The following C8orf34 variants were observed in gnomAD, a reference collection of about 807,000 sequenced individuals.
The protein encoded by C8orf34 is chromosome 8 open reading frame 34, also known as uncharacterized protein C8orf34.
Under a neutral mutation model 68.3 loss-of-function variants are expected in C8orf34, and 65 were observed. The ratio of observed to expected loss-of-function variants is 0.95; its 90% CI spans 0.78 to 1.17. The LOEUF is 1.17. C8orf34 is among the 50% of genes most tolerant of loss of function. C8orf34 has a pLI of 0.00. For missense variants in C8orf34, 664 were observed against 655.4 expected (o/e 1.01, Z -0.14); for synonymous variants, 244 against 241.2 (o/e 1.01, Z -0.11).
intron 3 of C8orf34, among the ~76,000 whole-genome samples, chr8:68,467,073 C>G (rs576331700): frequency 6.6e-6 from 1 of 152,036 alleles, no homozygotes; most frequent in African/African-American, 2.4e-5. Flanking sequence ...CTTCTGGTTC[C>G]TAAATCTACA....
chr8:68,624,480 C>G (rs934131153), intron 7 of C8orf34, among the ~76,000 whole-genome samples: 8 of 152,128 alleles, frequency 5.3e-5, no homozygotes, highest in Admixed American at 3.9e-4. Context: ...TAAATTTAGA[C>G]AGATCAAACT....
At chr8:68,802,630 C>G (rs1824365362) in intron 12 of C8orf34, among the ~76,000 whole-genome samples, 1 of 152,044 alleles carries the variant, frequency 6.6e-6, no homozygotes, top group Non-Finnish European at 1.5e-5. Context: ...TCCCGAGTAG[C>G]TGGGACTACA....
chr8:68,559,708 C>T (rs1485054171), intron 7 of C8orf34, among the ~76,000 whole-genome samples: 2 of 152,106 alleles, frequency 1.3e-5, no homozygotes, highest in East Asian at 3.9e-4. Context: ...TAAATCTGAA[C>T]ATGATGTAGG....
intron 7 of C8orf34, among the ~76,000 whole-genome samples, chr8:68,554,018 CT>C (rs1456730131): frequency 3.3e-5 from 5 of 151,904 alleles, no homozygotes; most frequent in African/African-American, 1.2e-4. Context: ...TTTCAAGAAA[CT>C]TTTAAATGTG....
rs556227649 is a variant in C8orf34, at chr8:68,546,514, AAG to A, written c.1105+13369_1105+13370del. Among the ~76,000 whole-genome samples, 375 of 152,058 alleles carry A rather than the reference AAG, an allele frequency of 2.5e-3. 2 individuals carry two copies. The highest frequency in any genetic ancestry group is 8.7e-3 in the African/African-American group (361 of 41,562). On this transcript the variant is annotated intron_variant, in intron 7 of 13. Coordinates refer to ENST00000518698, the MANE Select transcript of C8orf34 (RefSeq NM_052958.4). Reference sequence around the variant, plus strand: ...GTAAAAACTGACAAAACTAAAAAAAAAGAGACAAATGGGATATCATAGATGGA... The same window carrying A: ...GTAAAAACTGACAAAACTAAAAAAAAAGACAAATGGGATATCATAGATGGA...
intron 5 of C8orf34, among the ~76,000 whole-genome samples, chr8:68,515,562 GCAAA>G (rs1412629935): frequency 3.3e-5 from 5 of 151,970 alleles, no homozygotes; most frequent in Admixed American, 1.3e-4. Context: ...AAAAGTATAT[GCAAA>G]CAAAGTTGAA....
intron 7 of C8orf34, among the ~76,000 whole-genome samples, chr8:68,540,368 A>G (rs1216222664): frequency 2.0e-5 from 3 of 150,908 alleles, no homozygotes; most frequent in African/African-American, 7.3e-5. Flanking sequence ...TTTATTTTTT[A>G]TCTCTGGCAC....
chr8:68,659,599 G>A (rs948722665), intron 8 of C8orf34, among the ~76,000 whole-genome samples: 3 of 152,172 alleles, frequency 2.0e-5, no homozygotes, highest in Non-Finnish European at 4.4e-5. Context: ...GTTCACAGGA[G>A]TATACCTTAC....
intron 6 of C8orf34, among the ~76,000 whole-genome samples, chr8:68,523,712 G>A (rs1257946476): frequency 2.0e-5 from 3 of 152,026 alleles, no homozygotes; most frequent in Non-Finnish European, 4.4e-5. Flanking sequence ...TTTTTGAATT[G>A]ATACCAGCAA....
At chr8:68,806,819 G>T (rs1267799713) in intron 12 of C8orf34, among the ~76,000 whole-genome samples, 1 of 152,134 alleles carries the variant, frequency 6.6e-6, no homozygotes, top group East Asian at 1.9e-4. Flanking sequence ...AACCTTAGTG[G>T]TCTAAAACAA....
intron 7 of C8orf34, among the ~76,000 whole-genome samples, chr8:68,613,415 G>T (rs1004395295): frequency 2.0e-5 from 3 of 151,438 alleles, no homozygotes; most frequent in Non-Finnish European, 4.4e-5. Context: ...TTAGCATTAG[G>T]TATATCTCCC....
chr8:68,569,869 T>C (rs1563536101), intron 7 of C8orf34, among the ~76,000 whole-genome samples: 1 of 152,194 alleles, frequency 6.6e-6, no homozygotes, highest in Non-Finnish European at 1.5e-5. Flanking sequence ...GTAGAGTGCC[T>C]ACATTCTTCC....
intron 1 of C8orf34, among the ~76,000 whole-genome samples, chr8:68,352,870 A>G (rs1806571144): frequency 6.6e-6 from 1 of 152,150 alleles, no homozygotes; most frequent in African/African-American, 2.4e-5. Context: ...ATAGTAAAAT[A>G]GCATCTTTTT....
At chr8:68,818,071 A>G (rs1315211881) in intron 13 of C8orf34, among the ~76,000 whole-genome samples, 168 bp from the exon 14 acceptor site, 2 of 152,340 alleles carry the variant, frequency 1.3e-5, no homozygotes, top group African/African-American at 4.8e-5. Flanking sequence ...AGAAATTGAT[A>G]TATTGGCTGC....
intron 9 of C8orf34, among the ~76,000 whole-genome samples, chr8:68,711,538 C>A (rs1821328836): frequency 6.6e-6 from 1 of 151,860 alleles, no homozygotes. Flanking sequence ...AAAGTATCAG[C>A]AATCAAATTA....
Position 68,576,861 on chromosome 8 carries a change from T to C in C8orf34, c.1105+43712T>C, listed in dbSNP as rs183285050. Among the ~76,000 whole-genome samples the C allele has an allele frequency of 4.9e-3, 741 of 152,124 alleles. 6 individuals are homozygous for C. The highest frequency in any genetic ancestry group is 0.017 in the African/African-American group (714 of 41,548). ...AAATTTAAGAGTGAATTTATTAATATAAAATAGCATATTGAAATGCACACA... is the reference window on the plus strand; with the variant it reads ...AAATTTAAGAGTGAATTTATTAATACAAAATAGCATATTGAAATGCACACA... On this transcript the variant is annotated intron_variant, in intron 7 of 13. Coordinates refer to ENST00000518698, the MANE Select transcript of C8orf34 (RefSeq NM_052958.4).
At chr8:68,797,998 T>C (rs939775106) in intron 12 of C8orf34, among the ~76,000 whole-genome samples, 2 of 152,070 alleles carry the variant, frequency 1.3e-5, no homozygotes, top group Non-Finnish European at 2.9e-5. Flanking sequence ...ACAATAGTAG[T>C]ACAATAAAAA....
intron 8 of C8orf34, among the ~76,000 whole-genome samples, chr8:68,689,905 C>A (rs1820637129): frequency 6.6e-6 from 1 of 151,978 alleles, no homozygotes; most frequent in Non-Finnish European, 1.5e-5. Context: ...CTATCAGGTG[C>A]CACTGGTGGA....
intron 13 of C8orf34, among the ~76,000 whole-genome samples, chr8:68,817,905 T>G (rs1422344471): frequency 5.9e-5 from 9 of 152,140 alleles, no homozygotes; most frequent in Non-Finnish European, 1.2e-4. Context: ...CTCACTATCC[T>G]GAGAACAGCA....
Sources: gnomAD v4.1 joint callset for allele counts (sites outside exome capture counted in the v4.1 genomes callset) on GRCh38, gnomAD v4.1.1 for gene constraint, MANE v1.5 for transcripts, NCBI Gene and HGNC (gene_info 2026-07-23, HGNC 2026-07-21) for gene names.